The following KDM4C variants were observed in gnomAD, a reference collection of about 807,000 sequenced individuals.
KDM4C encodes the protein lysine-specific demethylase 4C.
Under a neutral mutation model 129.3 loss-of-function variants are expected in KDM4C, and 81 were observed. The ratio of observed to expected loss-of-function variants is 0.63; its 90% CI spans 0.52 to 0.75. The LOEUF (loss-of-function observed/expected upper bound fraction) is 0.75, where lower values mean the gene tolerates loss of function less well. KDM4C is among the 30% of genes least tolerant of loss of function. The pLI, the probability that KDM4C is intolerant of heterozygous loss-of-function variation, is 0.00. For synonymous variants in KDM4C, 573 were observed against 456.1 expected (o/e 1.26, Z -3.26); for missense variants, 1,457 against 1,304.0 (o/e 1.12, Z -1.81).
chr9:6,965,716 G>A (rs548434343), intron 8 of KDM4C, among the ~76,000 whole-genome samples: 2 of 152,276 alleles, frequency 1.3e-5, no homozygotes, highest in Admixed American at 6.5e-5. Flanking sequence ...CCTACTCCAG[G>A]GAGAGGCAGG....
At chr9:7,092,812 C>T (rs752986052) in intron 17 of KDM4C, among the ~76,000 whole-genome samples, 10 of 152,022 alleles carry the variant, frequency 6.6e-5, no homozygotes, top group Non-Finnish European at 1.5e-4. Flanking sequence ...AGAGTATGAA[C>T]GTGTTCTTGC....
Position 6,786,872 on chromosome 9 carries a change from CAAAT to C in KDM4C, c.-17-6095_-17-6092del, listed in dbSNP as rs1222805450. On this transcript the variant is annotated intron_variant, in intron 1 of 21. Coordinates refer to ENST00000381309, the MANE Select transcript of KDM4C (RefSeq NM_015061.6). ...AAAAATGATCACTGTCACTAAGAAT[CAAAT>C]AAATGAAACTTAACCATACTTTTTT... 3.9e-5 allele frequency among the ~76,000 whole-genome samples: 6 copies of C among 152,040 alleles called. No individual in the cohort carries two copies. The South Asian group carries it at 1.3e-3, about 32-fold the overall frequency.
At chr9:6,911,447 CTAGT>C (rs907587169) in intron 8 of KDM4C, among the ~76,000 whole-genome samples, 1 of 152,062 alleles carries the variant, frequency 6.6e-6, no homozygotes, top group African/African-American at 2.4e-5. Context: ...GGCTGTCAAG[CTAGT>C]TAATGATTTT....
chr9:7,111,323 A>G (rs1838294652), intron 18 of KDM4C, among the ~76,000 whole-genome samples: 1 of 152,248 alleles, frequency 6.6e-6, no homozygotes, highest in South Asian at 2.1e-4. Context: ...TCATTTAAGC[A>G]TTTCAGAATT....
At chr9:7,082,128 A>T (rs1432710146) in intron 17 of KDM4C, among the ~76,000 whole-genome samples, 1 of 151,676 alleles carries the variant, frequency 6.6e-6, no homozygotes, top group Non-Finnish European at 1.5e-5. Flanking sequence ...CAGGACAAAG[A>T]CTCTGACTTG....
At chr9:6,866,905 A>C (rs1032965007) in intron 5 of KDM4C, among the ~76,000 whole-genome samples, 14 of 65,856 alleles carry the variant, frequency 2.1e-4, no homozygotes, top group Admixed American at 3.3e-4. Flanking sequence ...ATATATATAC[A>C]TATATATATA....
chr9:6,979,232 A>T (rs749406676), intron 8 of KDM4C, among the ~76,000 whole-genome samples: 1 of 152,188 alleles, frequency 6.6e-6, no homozygotes, highest in Non-Finnish European at 1.5e-5. Flanking sequence ...CTTTATTCCA[A>T]TGGCAAGATA....
intron 17 of KDM4C, among the ~76,000 whole-genome samples, chr9:7,082,725 G>A (rs1403363288): frequency 6.6e-6 from 1 of 152,272 alleles, no homozygotes; most frequent in African/African-American, 2.4e-5. Context: ...CTGCTTCCTT[G>A]AAGGCAGGAA....
chr9:6,767,201 C>T (rs541348655), intron 1 of KDM4C, among the ~76,000 whole-genome samples: 2 of 151,888 alleles, frequency 1.3e-5, no homozygotes, highest in Admixed American at 6.6e-5. Flanking sequence ...TGCAGTGGCA[C>T]GATCTCGGCT....
intron 17 of KDM4C, among the ~76,000 whole-genome samples, chr9:7,091,585 AT>A (rs1564105485): frequency 6.6e-6 from 1 of 151,980 alleles, no homozygotes; most frequent in Non-Finnish European, 1.5e-5. Context: ...TTATAAAAAA[AT>A]AATTTACTAA....
intron 17 of KDM4C, among the ~76,000 whole-genome samples, chr9:7,049,813 G>A (rs2132556579): frequency 6.6e-6 from 1 of 152,074 alleles, no homozygotes; most frequent in South Asian, 2.1e-4. Flanking sequence ...AAGTAACTTT[G>A]TAGTTTTATT....
chr9:6,778,326 G>C (rs1337789888), intron 1 of KDM4C, among the ~76,000 whole-genome samples: 1 of 150,932 alleles, frequency 6.6e-6, no homozygotes. Flanking sequence ...CTGACCTTAG[G>C]TGATCCTCCC....
chr9:7,031,217 C>T (rs1431703975), intron 15 of KDM4C, among the ~76,000 whole-genome samples: 1 of 151,692 alleles, frequency 6.6e-6, no homozygotes, highest in Non-Finnish European at 1.5e-5. Flanking sequence ...GGCTGGAGTG[C>T]AGTGGTGTGA....
At chr9:6,974,485 G>A (rs1180825684) in intron 8 of KDM4C, among the ~76,000 whole-genome samples, 1 of 152,200 alleles carries the variant, frequency 6.6e-6, no homozygotes, top group Non-Finnish European at 1.5e-5. Flanking sequence ...TGTTTCCCGA[G>A]TAGCTGAGAT....
At chr9:6,938,001 C>T (rs62533824) in intron 8 of KDM4C, among the ~76,000 whole-genome samples, 38,458 of 152,000 alleles carry the variant, frequency 0.25, 5,388 homozygotes, top group South Asian at 0.4. Context: ...CATGAGCCAC[C>T]GTGGCCGGCC....
At chr9:6,970,599 A>C (rs1025366070) in intron 8 of KDM4C, among the ~76,000 whole-genome samples, 5 of 152,208 alleles carry the variant, frequency 3.3e-5, no homozygotes, top group Non-Finnish European at 7.3e-5. Context: ...TGCACTGTGA[A>C]GGAAAGGCTT....
At chr9:6,897,983 G>A (rs1033723142) in intron 8 of KDM4C, among the ~76,000 whole-genome samples, 10 of 152,122 alleles carry the variant, frequency 6.6e-5, no homozygotes, top group South Asian at 2.1e-4. Flanking sequence ...TGATTACTCT[G>A]TGCAGCTGCT....
chr9:7,128,821 C>T (rs1840308482), intron 19 of KDM4C, among the ~76,000 whole-genome samples: 1 of 152,052 alleles, frequency 6.6e-6, no homozygotes. Context: ...TCTTGTTGGT[C>T]TGTCTCCATC....
chr9:7,104,872 T>G (rs747445391), intron 18 of KDM4C, among the ~76,000 whole-genome samples: 1 of 152,234 alleles, frequency 6.6e-6, no homozygotes, highest in Non-Finnish European at 1.5e-5. Context: ...CTCCCAGCTC[T>G]TTGTAATGCT....
Sources: allele counts gnomAD v4.1 joint callset (sites outside exome capture counted in the v4.1 genomes callset), GRCh38; gene constraint gnomAD v4.1.1; transcripts MANE v1.5; gene names NCBI Gene and HGNC (gene_info 2026-07-23, HGNC 2026-07-21).